TMEM53: variants seen among roughly 807,000 people sequenced by gnomAD.
TMEM53 encodes novel DUF829 domain-containing protein.
Under a neutral mutation model 21.4 loss-of-function variants are expected in TMEM53, and 14 were observed. That is an observed-to-expected ratio of 0.65 (90% CI 0.43 to 1.02). The LOEUF (loss-of-function observed/expected upper bound fraction) is 1.02. Among genes scored for constraint, TMEM53 ranks in the 50% least tolerant of loss-of-function variants. The pLI is 0.00. For synonymous variants in TMEM53, 148 were observed against 157.4 expected (o/e 0.94, Z 0.45); for missense variants, 323 against 383.6 (o/e 0.84, Z 1.32).
Position 44,653,934 on chromosome 1 carries a change from T to C in TMEM53, c.*625A>G, listed in dbSNP as rs1014750499. 6.6e-6 allele frequency: 1 copy of C among 152,316 alleles called. No homozygotes were observed. Among genetic ancestry groups the C allele is most frequent in the Non-Finnish European group, 1.5e-5 (1 of 68,094 alleles). 9.4% of individuals were successfully genotyped at this position (152,316 alleles called of 1,614,324 possible). A position where few individuals can be genotyped will look rare whatever the true frequency, so the allele number is the denominator to read the frequency against. On this transcript the variant is annotated 3_prime_UTR_variant, in exon 3 of 3. Coordinates refer to ENST00000372237, the MANE Select transcript of TMEM53 (RefSeq NM_024587.4). ...GAGGTCTGCCGTGCACATAATCTCT[T>C]AAATTTTAAGTATCGTACACACTTA... is the stretch of plus-strand genomic sequence containing the variant.
chr1:44,656,454 C>T (rs1199077120), intron 2 of TMEM53, among the ~76,000 whole-genome samples: 37 of 152,210 alleles, frequency 2.4e-4, no homozygotes, highest in Admixed American at 2.2e-3. Context: ...TGCCATCAGC[C>T]GCCTGACCTC....
chr1:44,671,814 A>T (rs1217275982), intron 1 of TMEM53, among the ~76,000 whole-genome samples: 3 of 152,216 alleles, frequency 2.0e-5, no homozygotes, highest in Non-Finnish European at 4.4e-5. Context: ...CTGTAGTCCC[A>T]GCTACTTGGG....
In TMEM53 at chr1:44,664,987, C is replaced by G. The variant is rs557342282; in HGVS notation, c.62-4692G>C. Among the ~76,000 whole-genome samples, 16 of 152,238 alleles carry G rather than the reference C, an allele frequency of 1.1e-4. No homozygotes were observed. The East Asian group carries it at 2.9e-3, about 28-fold the overall frequency. On this transcript the variant is annotated intron_variant, in intron 1 of 2. Coordinates refer to ENST00000372237, the MANE Select transcript of TMEM53 (RefSeq NM_024587.4). ...TGCTCTCCAGCCCACGATGCTGATG[C>G]TCCGTGTTCATGCTTTGCTAATGCC... is the stretch of plus-strand genomic sequence containing the variant.
rs371878495 is a variant in TMEM53, at chr1:44,674,417, G to A, written c.-26C>T. 5.6e-6 allele frequency: 9 copies of A among 1,595,970 alleles called. No homozygotes were observed. The highest frequency in any genetic ancestry group is 1.7e-4 in the Middle Eastern group (1 of 5,966). On this transcript the variant is annotated 5_prime_UTR_variant, in exon 1 of 3. Transcript: ENST00000372237. ...GGTGAAGGCGCCGGCCCAGAGCACGGGTCTCCAGCCGGAACTCCCGCTTGC... is the reference window on the plus strand; with the variant it reads ...GGTGAAGGCGCCGGCCCAGAGCACGAGTCTCCAGCCGGAACTCCCGCTTGC...
chr1:44,654,402 C>T lies in TMEM53; in HGVS notation c.*157G>A, dbSNP rs1644827692. On this transcript the variant is annotated 3_prime_UTR_variant, in exon 3 of 3. Transcript: ENST00000372237. The surrounding 1 kb of genome is among the most constrained non-coding windows in gnomAD (Gnocchi z 7.0). ...AAGCAGACCACCAGCAGACAGAGGC[C>T]CCCAGGAGACAGGCCCATAGGAATT... The T allele has an allele frequency of 1.2e-6, 1 of 824,138 alleles. No homozygotes were observed. The highest frequency in any genetic ancestry group is 1.9e-6 in the Non-Finnish European group (1 of 528,498). The allele number at this position is 824,138 out of a possible 1,614,324, so 51.1% of individuals were successfully genotyped here. A position where few individuals can be genotyped will look rare whatever the true frequency, so the allele number is the denominator to read the frequency against.
chr1:44,657,238 T>G (rs1644858956), intron 2 of TMEM53, among the ~76,000 whole-genome samples: 1 of 152,052 alleles, frequency 6.6e-6, no homozygotes, highest in South Asian at 2.1e-4. Flanking sequence ...TAAAAGAGCC[T>G]TAAGAAGAAA....
At chr1:44,656,772 G>T (rs1474857138) in intron 2 of TMEM53, among the ~76,000 whole-genome samples, 1 of 152,178 alleles carries the variant, frequency 6.6e-6, no homozygotes, top group African/African-American at 2.4e-5. Flanking sequence ...CCAACACTTT[G>T]GGAGGCTGAG....
chr1:44,662,057 G>A (rs1220722393), intron 1 of TMEM53, among the ~76,000 whole-genome samples: 1 of 152,240 alleles, frequency 6.6e-6, no homozygotes, highest in African/African-American at 2.4e-5. Context: ...TGCCGGTGGT[G>A]ACCTGGCAAC....
At chr1:44,665,844 A>T (rs1233667152) in intron 1 of TMEM53, among the ~76,000 whole-genome samples, 1 of 152,190 alleles carries the variant, frequency 6.6e-6, no homozygotes, top group Non-Finnish European at 1.5e-5. Context: ...CAAAAGTACA[A>T]GGAACAAACA....
Position 44,660,209 on chromosome 1 carries a change from T to C in TMEM53, c.148A>G (p.Asn50Asp). 6.2e-7 allele frequency: 1 copy of C among 1,614,060 alleles called. No homozygotes were observed. Among genetic ancestry groups the C allele is most frequent in the Non-Finnish European group, 8.5e-7 (1 of 1,179,984 alleles). ...TAGATGGCACTGTACTTGGCAAGGTTCTTGTCCTTGCAGCCACCCCAGCCC... is the reference window on the plus strand; with the variant it reads ...TAGATGGCACTGTACTTGGCAAGGTCCTTGTCCTTGCAGCCACCCCAGCCC... ...LLGWGGCKDK[N>D]LAKYSAIYHK... The change falls in exon 2 of 3, where the codon AAC (asparagine) becomes GAC (aspartate). Residue 50 changes from asparagine (N) to aspartate (D), a missense_variant. This residue lies in a region of TMEM53 where 269 missense variants were observed against 334.5 expected (regional missense o/e 0.80). Transcript: ENST00000372237.
Position 44,663,783 on chromosome 1 carries a change from C to A in TMEM53, c.62-3488G>T, listed in dbSNP as rs149042967. 1.9e-3 allele frequency among the ~76,000 whole-genome samples: 292 copies of A among 152,328 alleles called. 3 individuals are homozygous for A. Among genetic ancestry groups the A allele is most frequent in the African/African-American group, 6.7e-3 (280 of 41,568 alleles). On this transcript the variant is annotated intron_variant, in intron 1 of 2. Coordinates refer to ENST00000372237, the MANE Select transcript of TMEM53 (RefSeq NM_024587.4). ...AACCCTGTACAAGCAATCAAATATA[C>A]CTTGTTCCTAAACCACTAAAAACTT... is the stretch of plus-strand genomic sequence containing the variant.
At chr1:44,657,011 C>CA (rs374390057) in intron 2 of TMEM53, among the ~76,000 whole-genome samples, 33,091 of 141,438 alleles carry the variant, frequency 0.23, 4,783 homozygotes, top group Middle Eastern at 0.37. Flanking sequence ...GACTCTCTCT[C>CA]AAAAAAAAAA....
Position 44,654,382 on chromosome 1 carries a change from G to C in TMEM53, c.*177C>G. On this transcript the variant is annotated 3_prime_UTR_variant, in exon 3 of 3. Coordinates refer to ENST00000372237, the MANE Select transcript of TMEM53 (RefSeq NM_024587.4). The surrounding 1 kb of genome is among the most constrained non-coding windows in gnomAD (Gnocchi z 7.0). ...GCCCCTTAGGATTCTGTGGTAAGCA[G>C]ACCACCAGCAGACAGAGGCCCCCAG... 1 of 691,990 alleles carries C rather than the reference G, an allele frequency of 1.4e-6. No individual in the cohort carries two copies. Among genetic ancestry groups the C allele is most frequent in the East Asian group, 2.7e-5 (1 of 37,408 alleles). The allele number at this position is 691,990 out of a possible 1,614,324, so 42.9% of individuals were successfully genotyped here.
rs11802279 is a variant in TMEM53, at chr1:44,665,363, G to A, written c.62-5068C>T. 4.0e-3 allele frequency among the ~76,000 whole-genome samples: 603 copies of A among 152,188 alleles called. 5 individuals carry two copies. Among genetic ancestry groups the A allele is most frequent in the African/African-American group, 0.014 (564 of 41,520 alleles). ...CAAAAACATGCAATCTTTGCCGGGCGCAGTGGCACAAGCCTATAATCCCAG... is the reference window on the plus strand; with the variant it reads ...CAAAAACATGCAATCTTTGCCGGGCACAGTGGCACAAGCCTATAATCCCAG... On this transcript the variant is annotated intron_variant, in intron 1 of 2. Transcript: ENST00000372237.
intron 1 of TMEM53, among the ~76,000 whole-genome samples, chr1:44,672,942 T>A (rs1211281847): frequency 6.6e-6 from 1 of 152,130 alleles, no homozygotes; most frequent in Non-Finnish European, 1.5e-5. Flanking sequence ...AATCTCAGGC[T>A]CAGGGAGGTT....
intron 1 of TMEM53, among the ~76,000 whole-genome samples, chr1:44,667,524 T>A (rs1391628742): frequency 6.6e-6 from 1 of 151,822 alleles, no homozygotes; most frequent in Non-Finnish European, 1.5e-5. Flanking sequence ...GCCAGGCTGG[T>A]CTCGAACTCC....
intron 1 of TMEM53, among the ~76,000 whole-genome samples, chr1:44,665,623 G>A (rs1414287891): frequency 7.4e-5 from 10 of 135,094 alleles, no homozygotes; most frequent in African/African-American, 1.4e-4. Context: ...CAACAAGAGC[G>A]AAACTCCATC....
intron 1 of TMEM53, among the ~76,000 whole-genome samples, chr1:44,668,118 AT>A (rs1370634253): frequency 6.6e-6 from 1 of 152,172 alleles, no homozygotes; most frequent in African/African-American, 2.4e-5. Flanking sequence ...GCAAGCCAGA[AT>A]GAAAATAGAA....
chr1:44,657,215 A>G (rs1425763474), intron 2 of TMEM53, among the ~76,000 whole-genome samples: 1 of 152,118 alleles, frequency 6.6e-6, no homozygotes, highest in Non-Finnish European at 1.5e-5. Flanking sequence ...GGGGAGGGGA[A>G]GAGTTCTGGA....
Sources: allele counts gnomAD v4.1 joint callset (sites outside exome capture counted in the v4.1 genomes callset), GRCh38; gene constraint gnomAD v4.1.1; regional missense constraint gnomAD v4.1.1; non-coding constraint Gnocchi (gnomAD v3.1); transcripts MANE v1.5; gene names NCBI Gene and HGNC (gene_info 2026-07-23, HGNC 2026-07-21).